The following CHIC2 variants were observed in gnomAD, a reference collection of about 807,000 sequenced individuals.
The protein encoded by CHIC2 is cysteine rich hydrophobic domain 2.
CHIC2 carries 14 observed loss-of-function variants against 25.9 expected under a neutral mutation model. That is an observed-to-expected ratio of 0.54 (90% confidence interval 0.36 to 0.85). CHIC2 has a LOEUF of 0.85. CHIC2 is among the 40% of genes least tolerant of loss of function. CHIC2 has a pLI of 0.01. For synonymous variants in CHIC2, 70 were observed against 72.0 expected (o/e 0.97, Z 0.14); for missense variants, 146 against 202.0 (o/e 0.72, Z 1.68).
intron 3 of CHIC2, among the ~76,000 whole-genome samples, chr4:54,015,793 T>A (rs1233395010): frequency 6.6e-6 from 1 of 152,338 alleles, no homozygotes; most frequent in South Asian, 2.1e-4. Flanking sequence ...ATTCCAATAG[T>A]TGTTTAAGCA....
chr4:54,015,052 G>T (rs1715698680), intron 3 of CHIC2, among the ~76,000 whole-genome samples: 1 of 152,080 alleles, frequency 6.6e-6, no homozygotes, highest in Admixed American at 6.6e-5. Context: ...AAAACTGTTA[G>T]GATCAAGCTG....
chr4:54,029,688 T>C (rs1205226562), intron 3 of CHIC2, among the ~76,000 whole-genome samples: 1 of 152,236 alleles, frequency 6.6e-6, no homozygotes, highest in African/African-American at 2.4e-5. Context: ...AATGTTTCTT[T>C]CTCATTTTAT....
In CHIC2 at chr4:54,064,457, G is replaced by A. The variant is rs1717446273; in HGVS notation, c.-157C>T. On this transcript the variant is annotated 5_prime_UTR_variant, in exon 1 of 6. Transcript: ENST00000263921. The surrounding 1 kb of genome is among the most constrained non-coding windows in gnomAD (Gnocchi z 4.2). ...CGGCTGTCTCGGCTCCGGCTACAGA[G>A]GGGATGGGGTCTGGACCGTCGCCGC... The A allele has an allele frequency of 5.4e-6, 8 of 1,491,860 alleles. No individual in the cohort carries two copies. The highest frequency in any genetic ancestry group is 6.2e-6 in the Non-Finnish European group (7 of 1,127,624). 92.4% of individuals were successfully genotyped at this position (1,491,860 alleles called of 1,614,324 possible). A position where few individuals can be genotyped will look rare whatever the true frequency, so the allele number is the denominator to read the frequency against.
At chr4:54,029,819 T>C (rs905640665) in intron 3 of CHIC2, among the ~76,000 whole-genome samples, 1 of 152,216 alleles carries the variant, frequency 6.6e-6, no homozygotes, top group Non-Finnish European at 1.5e-5. Flanking sequence ...ATTCCTCCCA[T>C]ATACCAATAT....
At chr4:54,049,863 T>C (rs188438007) in intron 1 of CHIC2, among the ~76,000 whole-genome samples, 6 of 152,292 alleles carry the variant, frequency 3.9e-5, no homozygotes, top group African/African-American at 1.2e-4. Context: ...TATTTGTCAG[T>C]GCATTAGATG....
At chr4:54,055,417 G>T (rs773733762) in intron 1 of CHIC2, among the ~76,000 whole-genome samples, 8 of 152,132 alleles carry the variant, frequency 5.3e-5, no homozygotes, top group Non-Finnish European at 8.8e-5. Flanking sequence ...GGAAAATCAA[G>T]AATACATCAA....
chr4:54,011,746 GACTGGCC>G (rs1715597994), intron 5 of CHIC2, among the ~76,000 whole-genome samples: 1 of 151,808 alleles, frequency 6.6e-6, no homozygotes, highest in African/African-American at 2.4e-5. Context: ...CACACATAGA[GACTGGCC>G]ACTTGTCTCA....
intron 3 of CHIC2, among the ~76,000 whole-genome samples, chr4:54,023,897 T>G (rs1715980404): frequency 6.6e-6 from 1 of 152,206 alleles, no homozygotes; most frequent in Non-Finnish European, 1.5e-5. Context: ...CCTCCATCAT[T>G]AATTCCTCTT....
chr4:54,021,592 A>T (rs1313829516), intron 3 of CHIC2, among the ~76,000 whole-genome samples: 1 of 151,984 alleles, frequency 6.6e-6, no homozygotes, highest in Non-Finnish European at 1.5e-5. Flanking sequence ...CCTGCCCAAC[A>T]ATTTCCTCTT....
intron 1 of CHIC2, among the ~76,000 whole-genome samples, chr4:54,056,668 C>G (rs1235573017): frequency 6.6e-6 from 1 of 152,084 alleles, no homozygotes; most frequent in Non-Finnish European, 1.5e-5. Context: ...AGGTTACCTT[C>G]AAGTCCAACC....
the CHIC2 span, among the ~76,000 whole-genome samples, chr4:54,070,880 A>G: frequency 1.3e-5 from 2 of 152,156 alleles, no homozygotes; most frequent in African/African-American, 4.8e-5. Context: ...AGTACATGTG[A>G]TTAGGTTAAG....
At chr4:54,076,599 TGG>T in the CHIC2 span, 1 of 152,216 alleles carries the variant, frequency 6.6e-6, no homozygotes, top group East Asian at 1.9e-4. Context: ...GGAAGGACAT[TGG>T]TGTTGAGGAC....
the CHIC2 span, among the ~76,000 whole-genome samples, chr4:54,080,846 G>A: frequency 1.3e-5 from 2 of 150,222 alleles, no homozygotes; most frequent in East Asian, 3.9e-4. Flanking sequence ...TACTGTGAGA[G>A]TAGATCTTAA....
intron 3 of CHIC2, among the ~76,000 whole-genome samples, chr4:54,020,568 C>T (rs529658697): frequency 6.6e-6 from 1 of 152,162 alleles, no homozygotes; most frequent in South Asian, 2.1e-4. Context: ...CCCCTGTCCT[C>T]GCCTCACTCC....
At chr4:54,069,421 C>T (rs900988473), upstream of CHIC2, among the ~76,000 whole-genome samples, 2 of 152,228 alleles carry the variant, frequency 1.3e-5, no homozygotes, top group Non-Finnish European at 2.9e-5. Context: ...GAGCTTCTGT[C>T]CCCGCGGAGT....
the CHIC2 span, among the ~76,000 whole-genome samples, chr4:54,083,081 T>A: frequency 7.1e-6 from 1 of 140,956 alleles, no homozygotes. Flanking sequence ...GCTGGAGTGA[T>A]CTCGGCTCAC....
chr4:54,041,373 G>T lies in CHIC2; in HGVS notation c.330+7582C>A, dbSNP rs551996153. 3.2e-4 allele frequency among the ~76,000 whole-genome samples: 49 copies of T among 152,066 alleles called. 1 individual carries two copies. The highest frequency in any genetic ancestry group is 1.8e-3 in the Admixed American group (28 of 15,244). ...TTTATACTCATGCCTCTCGATCGAG[G>T]GTTCTTAACATACAGTACCTAGACA... On this transcript the variant is annotated intron_variant, in intron 3 of 5. Coordinates refer to ENST00000263921, the MANE Select transcript of CHIC2 (RefSeq NM_012110.4).
At chr4:54,083,176 C>T in the CHIC2 span, among the ~76,000 whole-genome samples, 1 of 151,738 alleles carries the variant, frequency 6.6e-6, no homozygotes, top group East Asian at 1.9e-4. Context: ...CCACCTCACC[C>T]AGCTAATTTT....
chr4:54,040,719 A>AG (rs1716548667), intron 3 of CHIC2, among the ~76,000 whole-genome samples: 1 of 148,968 alleles, frequency 6.7e-6, no homozygotes, highest in Non-Finnish European at 1.5e-5. Context: ...AAAAAAAAAA[A>AG]AAAAAAAAAT....
Sources: gnomAD v4.1 joint callset for allele counts (sites outside exome capture counted in the v4.1 genomes callset) on GRCh38, gnomAD v4.1.1 for gene constraint, Gnocchi (gnomAD v3.1) non-coding constraint, MANE v1.5 for transcripts, NCBI Gene and HGNC (gene_info 2026-07-23, HGNC 2026-07-21) for gene names.